The following TYW1B variants were observed in gnomAD, a reference collection of about 807,000 sequenced individuals.
The protein encoded by TYW1B is S-adenosyl-L-methionine-dependent tRNA 4-demethylwyosine synthase TYW1B.
TYW1B carries 73 observed loss-of-function variants against 86.9 expected under a neutral mutation model. The observed-to-expected ratio is 0.84, with a 90% CI of 0.70 to 1.02. The LOEUF (loss-of-function observed/expected upper bound fraction) is 1.02, where lower values mean the gene tolerates loss of function less well. TYW1B is among the 50% of genes least tolerant of loss of function. TYW1B has a pLI of 0.00. For missense variants in TYW1B, 637 were observed against 827.4 expected, an observed-to-expected ratio of 0.77 and a Z score of 2.82; for synonymous variants, 248 against 292.8, an observed-to-expected ratio of 0.85 and a Z score of 1.56.
chr7:72,673,162 G>A (rs372085123), intron 11 of TYW1B, among the ~76,000 whole-genome samples: 346 of 152,306 alleles, frequency 2.3e-3, no homozygotes, highest in African/African-American at 7.4e-3. Context: ...GCAAGACTCC[G>A]TCTCAATAAA....
intron 11 of TYW1B, among the ~76,000 whole-genome samples, chr7:72,675,336 T>C (rs555358611): frequency 1.3e-5 from 2 of 151,740 alleles, no homozygotes; most frequent in South Asian, 2.1e-4. Flanking sequence ...GAGGTGGAGG[T>C]TGCAGTGAGC....
At chr7:72,761,560 C>A in intron 7 of TYW1B, among the ~76,000 whole-genome samples, 1 of 147,396 alleles carries the variant, frequency 6.8e-6, no homozygotes. Flanking sequence ...CACTGCACTC[C>A]AGTCTGGCTG....
intron 11 of TYW1B, among the ~76,000 whole-genome samples, chr7:72,632,423 A>ATT: frequency 2.0e-5 from 2 of 97,786 alleles, no homozygotes; most frequent in African/African-American, 1.0e-4. Context: ...ATATATATAT[A>ATT]AAATATATAT....
chr7:72,621,845 T>G (rs1554438033), intron 12 of TYW1B, among the ~76,000 whole-genome samples: 1 of 152,214 alleles, frequency 6.6e-6, no homozygotes, highest in Non-Finnish European at 1.5e-5. Context: ...ATGAACCAGC[T>G]GATAAACGCT....
At chr7:72,576,770 C>G (rs1261591350) in intron 13 of TYW1B, among the ~76,000 whole-genome samples, 1 of 151,828 alleles carries the variant, frequency 6.6e-6, no homozygotes, top group Non-Finnish European at 1.5e-5. Flanking sequence ...CCTCGGCCTC[C>G]CAAAGTGCTG....
chr7:72,598,896 A>G (rs1452625447), intron 13 of TYW1B, among the ~76,000 whole-genome samples: 17 of 152,174 alleles, frequency 1.1e-4, no homozygotes, highest in African/African-American at 4.1e-4. Flanking sequence ...GGAGGTGAGG[A>G]GTGGCCTGAT....
chr7:72,755,410 T>C (rs2129571569), intron 7 of TYW1B, among the ~76,000 whole-genome samples: 1 of 152,206 alleles, frequency 6.6e-6, no homozygotes, highest in South Asian at 2.1e-4. Context: ...GCGTGATGGC[T>C]CATGCCTGTA....
At chr7:72,674,759 CTTTT>C (rs10712486) in intron 11 of TYW1B, among the ~76,000 whole-genome samples, 3 of 134,146 alleles carry the variant, frequency 2.2e-5, no homozygotes, top group African/African-American at 2.8e-5. Flanking sequence ...CCTTTTCTCT[CTTTT>C]TTTTTTTTTT....
chr7:72,738,089 T>TC (rs374830613), intron 8 of TYW1B, among the ~76,000 whole-genome samples: 36 of 7,488 alleles, frequency 4.8e-3, no homozygotes, highest in African/African-American at 0.01. Flanking sequence ...TCTTTCTTTC[T>TC]TTTTTTTTTT....
chr7:72,655,734 C>T (rs532483041), intron 11 of TYW1B, among the ~76,000 whole-genome samples: 4 of 152,294 alleles, frequency 2.6e-5, no homozygotes, highest in African/African-American at 9.6e-5. Context: ...GGCAGGGCCG[C>T]CAATGTACCT....
chr7:72,679,867 C>T (rs2129569917), intron 11 of TYW1B, among the ~76,000 whole-genome samples: 2 of 152,256 alleles, frequency 1.3e-5, no homozygotes, highest in East Asian at 1.9e-4. Context: ...CAGTAGATCA[C>T]CTCTGTAATC....
At chr7:72,804,979 TTCG>T (rs1256036212) in intron 5 of TYW1B, among the ~76,000 whole-genome samples, 1 of 152,144 alleles carries the variant, frequency 6.6e-6, no homozygotes. Context: ...AGGAACCTAT[TTCG>T]TCTTCACATC....
At chr7:72,632,474 A>AAATATATATATACATATATATATAT (rs1812559049) in intron 11 of TYW1B, among the ~76,000 whole-genome samples, 2 of 122,058 alleles carry the variant, frequency 1.6e-5, no homozygotes, top group African/African-American at 6.8e-5. Context: ...TATATATATA[A>AAATATATATATACATATATATATAT]AATATATATA....
chr7:72,803,983 G>C, intron 5 of TYW1B, among the ~76,000 whole-genome samples: 1 of 151,960 alleles, frequency 6.6e-6, no homozygotes, highest in South Asian at 2.1e-4. Flanking sequence ...AGTAACTCAA[G>C]GGTCACTTTA....
chr7:72,688,932 A>G (rs1814074150), intron 11 of TYW1B, among the ~76,000 whole-genome samples: 1 of 152,236 alleles, frequency 6.6e-6, no homozygotes, highest in Admixed American at 6.5e-5. Flanking sequence ...AATCAAGCAC[A>G]GCAGTCTTGT....
At chr7:72,614,961 C>T (rs1350272128) in intron 13 of TYW1B, among the ~76,000 whole-genome samples, 3 of 152,222 alleles carry the variant, frequency 2.0e-5, no homozygotes, top group African/African-American at 7.2e-5. Flanking sequence ...CTCATAATCT[C>T]TTCTCATTCA....
intron 6 of TYW1B, among the ~76,000 whole-genome samples, chr7:72,785,339 T>C (rs1788109110): frequency 1.4e-5 from 2 of 147,834 alleles, no homozygotes; most frequent in Non-Finnish European, 3.0e-5. Context: ...ATTCTAATTC[T>C]AATTATATAT....
chr7:72,812,266 T>A (rs1788635524), intron 3 of TYW1B, among the ~76,000 whole-genome samples: 1 of 152,146 alleles, frequency 6.6e-6, no homozygotes, highest in Admixed American at 6.6e-5. Context: ...ATACAATATT[T>A]TTGACAATTT....
At chr7:72,696,061 C>T (rs1554451442) in intron 10 of TYW1B, among the ~76,000 whole-genome samples, 1 of 151,686 alleles carries the variant, frequency 6.6e-6, no homozygotes, top group Non-Finnish European at 1.5e-5. Context: ...GACTCTCCTG[C>T]CTCAGTCTCC....
Sources: allele counts gnomAD v4.1 joint callset (sites outside exome capture counted in the v4.1 genomes callset), GRCh38; gene constraint gnomAD v4.1.1; transcripts MANE v1.5; gene names NCBI Gene and HGNC (gene_info 2026-07-23, HGNC 2026-07-21).